Variants in OR1J2 observed in about 807,000 individuals in gnomAD.
The protein encoded by OR1J2 is olfactory receptor family 1 subfamily J member 2.
For missense variants in OR1J2, 304 were observed against 246.1 expected (o/e 1.24, Z -1.57); for synonymous variants, 142 against 99.7 (o/e 1.42, Z -2.52).
chr9:122,488,951 C>T, the OR1J2 span, among the ~76,000 whole-genome samples: 1 of 151,912 alleles, frequency 6.6e-6, no homozygotes, highest in East Asian at 1.9e-4. Flanking sequence ...GTTTGCTGCA[C>T]CCATTACCCA....
chr9:122,447,817 A>C, the OR1J2 span, among the ~76,000 whole-genome samples: 2 of 152,160 alleles, frequency 1.3e-5, no homozygotes, highest in Non-Finnish European at 2.9e-5. Flanking sequence ...AGAAGGATAC[A>C]TACAACAGAC....
At chr9:122,526,631 T>G in the OR1J2 span, 1 of 1,613,968 alleles carries the variant, frequency 6.2e-7, no homozygotes, top group African/African-American at 1.3e-5. Context: ...TCAGGATAGC[T>G]GGCACAATGT....
chr9:122,469,968 G>C, the OR1J2 span, among the ~76,000 whole-genome samples: 3 of 152,176 alleles, frequency 2.0e-5, no homozygotes, highest in African/African-American at 7.2e-5. Context: ...AAGGCATTCA[G>C]TTTTAAAAAG....
At chr9:122,562,998 T>A in the OR1J2 span, among the ~76,000 whole-genome samples, 4 of 152,292 alleles carry the variant, frequency 2.6e-5, no homozygotes, top group South Asian at 8.3e-4. Flanking sequence ...CAGATGACTC[T>A]TTGACGTACT....
At chr9:122,534,380 C>G in the OR1J2 span, among the ~76,000 whole-genome samples, 1 of 152,040 alleles carries the variant, frequency 6.6e-6, no homozygotes, top group Non-Finnish European at 1.5e-5. Flanking sequence ...TAAAGCGTCT[C>G]AGTGTTGCAA....
At chr9:122,450,981 CA>C in the OR1J2 span, among the ~76,000 whole-genome samples, 1 of 151,922 alleles carries the variant, frequency 6.6e-6, no homozygotes, top group African/African-American at 2.4e-5. Flanking sequence ...ATTTTATGCA[CA>C]AAAATACATT....
the OR1J2 span, among the ~76,000 whole-genome samples, chr9:122,452,939 A>G: frequency 5.3e-5 from 8 of 151,248 alleles, no homozygotes; most frequent in Non-Finnish European, 1.2e-4. Flanking sequence ...GAGCCAGGAG[A>G]ATTGCTTGAA....
At chr9:122,447,530 A>G in the OR1J2 span, 1 of 152,198 alleles carries the variant, frequency 6.6e-6, no homozygotes, top group African/African-American at 2.4e-5. Context: ...ACTGGGAAGC[A>G]TACTCAAGTA....
chr9:122,480,175 G>A, the OR1J2 span, among the ~76,000 whole-genome samples: 65 of 152,010 alleles, frequency 4.3e-4, no homozygotes, highest in African/African-American at 1.5e-3. Context: ...ATATTTGCAA[G>A]TGATTAAAAC....
upstream of OR1J2, among the ~76,000 whole-genome samples, chr9:122,507,206 G>T (rs1828535733): frequency 6.6e-6 from 1 of 152,186 alleles, no homozygotes; most frequent in Non-Finnish European, 1.5e-5. Flanking sequence ...GTTTGCTTGT[G>T]TCAGAACTGT....
chr9:122,531,938 A>G, the OR1J2 span, among the ~76,000 whole-genome samples: 1 of 152,106 alleles, frequency 6.6e-6, no homozygotes, highest in Admixed American at 6.5e-5. Context: ...TAGTTTCCTG[A>G]CTCGGGGCAT....
the OR1J2 span, among the ~76,000 whole-genome samples, chr9:122,496,864 T>G: frequency 6.6e-6 from 1 of 152,182 alleles, no homozygotes; most frequent in East Asian, 1.9e-4. Context: ...CAGGTTTGCC[T>G]TAAGTAGTTT....
the OR1J2 span, among the ~76,000 whole-genome samples, chr9:122,466,279 A>C: frequency 6.6e-6 from 1 of 152,156 alleles, no homozygotes; most frequent in African/African-American, 2.4e-5. Context: ...TTTTCCTGAA[A>C]CCTGAGATGA....
the OR1J2 span, among the ~76,000 whole-genome samples, chr9:122,457,608 G>A: frequency 4.0e-5 from 6 of 151,784 alleles, no homozygotes; most frequent in Non-Finnish European, 7.4e-5. Context: ...TGTCCTGAAA[G>A]AAGCCCAGAT....
the OR1J2 span, among the ~76,000 whole-genome samples, chr9:122,530,184 G>A: frequency 6.6e-6 from 1 of 152,206 alleles, no homozygotes; most frequent in Non-Finnish European, 1.5e-5. Context: ...ATCAGTAGGG[G>A]AGGCTGGAGC....
the OR1J2 span, among the ~76,000 whole-genome samples, chr9:122,562,030 C>T: frequency 6.6e-6 from 1 of 152,192 alleles, no homozygotes; most frequent in Non-Finnish European, 1.5e-5. Flanking sequence ...CCTTGAGCCC[C>T]TGGCGGGAGT....
the OR1J2 span, among the ~76,000 whole-genome samples, chr9:122,448,465 G>A: frequency 8.5e-5 from 13 of 152,252 alleles, no homozygotes; most frequent in South Asian, 1.7e-3. Flanking sequence ...TCAACTGCAA[G>A]AGGCCTTCCT....
the OR1J2 span, among the ~76,000 whole-genome samples, chr9:122,479,148 A>G: frequency 6.6e-6 from 1 of 152,210 alleles, no homozygotes; most frequent in African/African-American, 2.4e-5. Flanking sequence ...CACATGTGAC[A>G]ATGTCTCTTG....
At chr9:122,567,346 A>C in the OR1J2 span, 1 of 441,134 alleles carries the variant, frequency 2.3e-6, no homozygotes, top group Non-Finnish European at 4.0e-6. Flanking sequence ...AAGAGGAGAC[A>C]CAGACAGGAA....
Sources: gnomAD v4.1 joint callset for allele counts (sites outside exome capture counted in the v4.1 genomes callset) on GRCh38, gnomAD v4.1.1 for gene constraint, MANE v1.5 for transcripts, NCBI Gene and HGNC (gene_info 2026-07-23, HGNC 2026-07-21) for gene names.